The following NUP88 variants were observed in gnomAD, a reference collection of about 807,000 sequenced individuals.
The protein encoded by NUP88 is nucleoporin 88.
A neutral mutation model predicts 93.9 loss-of-function variants in NUP88; 57 were observed. The observed-to-expected ratio is 0.61, with a 90% CI of 0.49 to 0.76. NUP88 has a LOEUF of 0.76. NUP88 is among the 30% of genes least tolerant of loss of function. NUP88 has a pLI of 0.00. For missense variants in NUP88, 911 were observed against 901.0 expected (o/e 1.01, Z -0.14); for synonymous variants, 346 against 336.8 (o/e 1.03, Z -0.30).
Position 5,408,778 on chromosome 17 carries a change from T to A in NUP88, c.812A>T (p.Tyr271Phe). Reference protein sequence around the residue: ...EVVAYPLYILYENGETFLTYI... With the variant: ...EVVAYPLYILFENGETFLTYI... ...TGTCAGGAAAGTCTCTCCATTTTCATATAAGATGTACAGTGGGTATGCCAC... is the reference window on the plus strand; with the variant it reads ...TGTCAGGAAAGTCTCTCCATTTTCAAATAAGATGTACAGTGGGTATGCCAC... The change falls in exon 5 of 17, where the codon TAT (tyrosine) becomes TTT (phenylalanine). Residue 271 changes from tyrosine (Y) to phenylalanine (F), a missense_variant. Transcript: ENST00000573584. 6.2e-7 allele frequency: 1 copy of A among 1,613,048 alleles called. No homozygotes were observed. Among genetic ancestry groups the A allele is most frequent in the Non-Finnish European group, 8.5e-7 (1 of 1,179,680 alleles).
intron 4 of NUP88, among the ~76,000 whole-genome samples, chr17:5,410,076 G>A (rs1213250377): frequency 6.6e-6 from 1 of 152,222 alleles, no homozygotes; most frequent in Non-Finnish European, 1.5e-5. Flanking sequence ...GAGCAGGGAA[G>A]TAGAATGATC....
chr17:5,419,023 G>T (rs1037870507), intron 1 of NUP88, among the ~76,000 whole-genome samples: 1 of 152,144 alleles, frequency 6.6e-6, no homozygotes, highest in African/African-American at 2.4e-5. Flanking sequence ...TATTATAAGC[G>T]TCACATCAGG....
intron 9 of NUP88, among the ~76,000 whole-genome samples, chr17:5,393,159 G>A (rs1201346749): frequency 6.6e-6 from 1 of 151,968 alleles, no homozygotes; most frequent in African/African-American, 2.4e-5. Context: ...GTTTCACCAC[G>A]TTGGCCAGGC....
chr17:5,398,911 C>T (rs1377341850), intron 8 of NUP88, among the ~76,000 whole-genome samples: 11 of 117,072 alleles, frequency 9.4e-5, no homozygotes, highest in Non-Finnish European at 5.1e-5. Flanking sequence ...TTTTTTGAGA[C>T]GGAGTCTCGC....
At chr17:5,406,835 T>C (rs573812304) in intron 5 of NUP88, among the ~76,000 whole-genome samples, 15 of 151,914 alleles carry the variant, frequency 9.9e-5, no homozygotes, top group Admixed American at 3.9e-4. Flanking sequence ...CAAATTTGCG[T>C]TGGGCTGCAT....
chr17:5,401,981 A>C (rs1454869934), intron 7 of NUP88, among the ~76,000 whole-genome samples: 1 of 152,210 alleles, frequency 6.6e-6, no homozygotes, highest in Non-Finnish European at 1.5e-5. Context: ...ACAAGTCAAA[A>C]ATTTCTTAGT....
intron 7 of NUP88, among the ~76,000 whole-genome samples, chr17:5,402,359 G>A (rs1046256831): frequency 6.6e-6 from 1 of 151,582 alleles, no homozygotes; most frequent in Non-Finnish European, 1.5e-5. Context: ...AGAACAAAAC[G>A]TCCACGTCTA....
Position 5,386,105 on chromosome 17 carries a change from C to A in NUP88, c.*101G>T, listed in dbSNP as rs918452888. The A allele has an allele frequency of 6.0e-5, 51 of 851,266 alleles. 1 individual carries two copies. In the Admixed American group the frequency reaches 1.0e-3, roughly 18 times the overall value. 52.7% of individuals were successfully genotyped at this position (851,266 alleles called of 1,614,324 possible). A position where few individuals can be genotyped will look rare whatever the true frequency, so the allele number is the denominator to read the frequency against. ...AAAGATGAACCACACCAAAGGTCAT[C>A]AAAACACCTTTTTATAAATTAGATA... On this transcript the variant is annotated 3_prime_UTR_variant, in exon 17 of 17. Transcript: ENST00000573584.
rs3842385 is a variant in NUP88 at position 5,387,265 on chromosome 17, AGAG to A, written c.1916+118_1916+120del. 5.8e-5 allele frequency: 72 copies of A among 1,244,962 alleles called. No homozygotes were observed. The East Asian group carries it at 1.6e-3, about 27-fold the overall frequency. The allele number at this position is 1,244,962 out of a possible 1,614,324, so 77.1% of individuals were successfully genotyped here. A position where few individuals can be genotyped will look rare whatever the true frequency, so the allele number is the denominator to read the frequency against. ...TCATGTTTTCCCCAACATATACTTC[AGAG>A]GAGAGGCAGGGGGATCAGTTCAGTT... On this transcript the variant is annotated intron_variant, in intron 14 of 16. Transcript: ENST00000573584.
rs1912080755 is a variant in NUP88, at chr17:5,387,429, T to G, written c.1873A>C (p.Lys625Gln). 6.2e-7 allele frequency: 1 copy of G among 1,614,066 alleles called. No homozygotes were observed. The highest frequency in any genetic ancestry group is 1.3e-5 in the African/African-American group (1 of 74,940). The change falls in exon 14 of 17, where the codon AAA becomes CAA. Residue 625 changes from lysine to glutamine, a missense_variant. Physicochemically the swap from Lys to Gln is moderately conservative, Grantham distance 53 (BLOSUM62 1). Transcript: ENST00000573584. ...TGTTTTTCTTTAGCTTCCTCATATT[T>G]GTCAGCTAAACGCTCAGCCATTTCC... ...LREMAERLAD[K>Q]YEEAKEKQED...
intron 2 of NUP88, among the ~76,000 whole-genome samples, chr17:5,414,737 G>A (rs1180650152): frequency 6.6e-6 from 1 of 151,878 alleles, no homozygotes; most frequent in East Asian, 2.0e-4. Context: ...TGGCCAACAT[G>A]GTAAAACCCC....
At chr17:5,403,300 A>AC (rs199942726) in intron 7 of NUP88, among the ~76,000 whole-genome samples, 2,381 of 151,784 alleles carry the variant, frequency 0.016, 32 homozygotes, top group Middle Eastern at 0.051. Flanking sequence ...ATATGGTGAG[A>AC]CCCCCGTCTC....
At chr17:5,395,534 C>CTTTTT (rs113574323) in intron 8 of NUP88, among the ~76,000 whole-genome samples, 1 of 149,874 alleles carries the variant, frequency 6.7e-6, no homozygotes, top group Non-Finnish European at 1.5e-5. Flanking sequence ...TTTATAACAG[C>CTTTTT]TTTATTTTTT....
At chr17:5,413,615 G>GC (rs1304899022) in intron 3 of NUP88, among the ~76,000 whole-genome samples, 2 of 152,244 alleles carry the variant, frequency 1.3e-5, no homozygotes, top group East Asian at 1.9e-4. Context: ...TGGAAACTGA[G>GC]CCCCCCAACC....
Position 5,386,500 on chromosome 17 carries a change from A to C in NUP88, c.2162+208T>G, listed in dbSNP as rs117642711. Among the ~76,000 whole-genome samples the C allele has an allele frequency of 5.9e-5, 9 of 152,022 alleles. No individual in the cohort carries two copies. The East Asian group carries it at 1.8e-3, about 30-fold the overall frequency. The stretch of plus-strand genomic sequence containing the variant: ...TACTGTAAAATACCTTTGGCCACAC[A>C]ACAAAATCATGTTACTAGAAGGTCA... On this transcript the variant is annotated intron_variant, in intron 16 of 16. Coordinates refer to ENST00000573584, the MANE Select transcript of NUP88 (RefSeq NM_002532.6).
In NUP88 at chr17:5,387,680, C is replaced by G. The variant is rs202202982; in HGVS notation, c.1770-10G>C. 73 of 1,609,784 alleles carry G rather than the reference C, an allele frequency of 4.5e-5. No individual in the cohort carries two copies. Among genetic ancestry groups the G allele is most frequent in the Non-Finnish European group, 1.7e-5 (20 of 1,178,152 alleles). ...ACATAATAATTTGACCCTTTAAAAA[C>G]AAAAAGAAATAGAGTTTATTCAGAA... On this transcript the variant is annotated splice_polypyrimidine_tract_variant and intron_variant, in intron 12 of 16. Transcript: ENST00000573584.
At chr17:5,410,669 A>G in intron 4 of NUP88, 34 bp downstream of exon 4, 1 of 1,331,982 alleles carries the variant, frequency 7.5e-7, no homozygotes, top group Non-Finnish European at 1.1e-6. Context: ...TAAGCTAATT[A>G]AAAAACCATT....
chr17:5,392,925 G>A (rs1912532569), intron 9 of NUP88, among the ~76,000 whole-genome samples: 1 of 151,976 alleles, frequency 6.6e-6, no homozygotes, highest in Non-Finnish European at 1.5e-5. Context: ...GAGTAGCTGG[G>A]ACCACAGGTA....
At chr17:5,404,984 T>C in intron 6 of NUP88, 73 bp downstream of exon 6, 1 of 1,250,188 alleles carries the variant, frequency 8.0e-7, no homozygotes, top group Non-Finnish European at 1.1e-6. Flanking sequence ...TTCTCATATA[T>C]TAAGCATTCA....
Sources: allele counts gnomAD v4.1 joint callset (sites outside exome capture counted in the v4.1 genomes callset), GRCh38; gene constraint gnomAD v4.1.1; transcripts MANE v1.5; gene names NCBI Gene and HGNC (gene_info 2026-07-23, HGNC 2026-07-21).